HCRTR2: variants seen among roughly 807,000 people sequenced by gnomAD.
HCRTR2 encodes orexin receptor type 2.
Under a neutral mutation model 49.0 loss-of-function variants are expected in HCRTR2, and 22 were observed. The observed-to-expected ratio is 0.45, with a 90% CI of 0.32 to 0.64. The LOEUF (loss-of-function observed/expected upper bound fraction) is 0.64. HCRTR2 is among the 30% of genes least tolerant of loss of function. The probability of loss-of-function intolerance (pLI) is 0.04; values close to 1 mark genes in which losing one functional copy is unlikely to be tolerated. For missense variants in HCRTR2, 491 were observed against 559.4 expected (o/e 0.88, Z 1.23); for synonymous variants, 236 against 205.3 (o/e 1.15, Z -1.28).
At chr6:55,149,739 A>G (rs1764639225) in intron 1 of HCRTR2, among the ~76,000 whole-genome samples, 1 of 152,040 alleles carries the variant, frequency 6.6e-6, no homozygotes, top group Non-Finnish European at 1.5e-5. Context: ...GGGGGTATTC[A>G]CTCATATTTA....
intron 1 of HCRTR2, among the ~76,000 whole-genome samples, chr6:55,118,087 T>A (rs879677250): frequency 6.6e-6 from 1 of 151,880 alleles, no homozygotes; most frequent in Non-Finnish European, 1.5e-5. Context: ...AGTGTGTGTG[T>A]TCCCCAATAT....
intron 1 of HCRTR2, among the ~76,000 whole-genome samples, chr6:55,112,739 C>A (rs1001643529): frequency 6.6e-6 from 1 of 151,844 alleles, no homozygotes; most frequent in Admixed American, 6.6e-5. Context: ...AAGTTCAATG[C>A]AATTCCCATC....
intron 1 of HCRTR2, among the ~76,000 whole-genome samples, chr6:55,177,244 G>C (rs1765057292): frequency 6.6e-6 from 1 of 152,158 alleles, no homozygotes; most frequent in Non-Finnish European, 1.5e-5. Flanking sequence ...GAAACTGACA[G>C]CTATTTTCCT....
intron 1 of HCRTR2, among the ~76,000 whole-genome samples, chr6:55,107,622 A>C (rs1193509577): frequency 1.3e-5 from 2 of 152,128 alleles, no homozygotes; most frequent in Non-Finnish European, 2.9e-5. Context: ...AAAAATGTAT[A>C]TATTAGTATT....
intron 6 of HCRTR2, 43 bp downstream of exon 6, chr6:55,280,487 A>AG: frequency 6.2e-7 from 1 of 1,608,620 alleles, no homozygotes; most frequent in Non-Finnish European, 8.5e-7. Flanking sequence ...ATTGTAACCA[A>AG]GGATGAGGAA....
In HCRTR2 at chr6:55,263,808, C is replaced by A; in HGVS notation, c.748C>A (p.Leu250Ile). The A allele has an allele frequency of 6.2e-7, 1 of 1,602,886 alleles. No individual in the cohort carries two copies. The highest frequency in any genetic ancestry group is 8.5e-7 in the Non-Finnish European group (1 of 1,170,272). The stretch of plus-strand genomic sequence containing the variant: ...GGCTTATCTGCAAATATTTCGCAAA[C>A]TCTGGTGTCGACAGGTATATAGTTT... ...VLAYLQIFRK[L>I]WCRQIPGTSS... Residue 250 changes from leucine (L) to isoleucine (I), a missense_variant, in exon 4 of 7, where the codon CTC (leucine) becomes ATC (isoleucine). By Grantham distance (5) the Leu-to-Ile change is conservative (BLOSUM62 2). Transcript: ENST00000370862.
At position 55,277,391 on chromosome 6, in the gene HCRTR2, A is replaced by G. The variant is rs760111377; in HGVS notation, c.774A>G (p.Thr258=). ...RKLWCRQIPG[T]SSVVQRKWKP... ...TCTTCTCCTTTCAGATCCCTGGAAC[A>G]TCATCTGTAGTTCAGAGAAAATGGA... Residue 258 remains threonine, a synonymous_variant, in exon 5 of 7, where the codon ACA becomes ACG. Coordinates refer to ENST00000370862, the MANE Select transcript of HCRTR2 (RefSeq NM_001384272.1). 3 of 1,613,426 alleles carry G rather than the reference A, an allele frequency of 1.9e-6. No individual in the cohort carries two copies. Among genetic ancestry groups the G allele is most frequent in the East Asian group, 4.5e-5 (2 of 44,854 alleles).
At chr6:55,263,885 C>A (rs1303038852) in intron 4 of HCRTR2, 63 bp downstream of exon 4, 4 of 1,010,748 alleles carry the variant, frequency 4.0e-6, no homozygotes, top group South Asian at 1.3e-5. Flanking sequence ...ATTTGTTATT[C>A]CTTCCAAATA....
chr6:55,260,934 T>G (rs758987390), intron 3 of HCRTR2, among the ~76,000 whole-genome samples: 2 of 152,046 alleles, frequency 1.3e-5, no homozygotes, highest in Non-Finnish European at 2.9e-5. Flanking sequence ...TATGAAGTAA[T>G]GAAAAGAATA....
At chr6:55,196,263 C>T (rs983689485) in intron 1 of HCRTR2, among the ~76,000 whole-genome samples, 1 of 152,138 alleles carries the variant, frequency 6.6e-6, no homozygotes, top group African/African-American at 2.4e-5. Context: ...AGTACCCCAG[C>T]AGATGGGACC....
At chr6:55,217,790 T>A (rs766286484) in intron 1 of HCRTR2, among the ~76,000 whole-genome samples, 2 of 152,058 alleles carry the variant, frequency 1.3e-5, no homozygotes, top group African/African-American at 4.8e-5. Flanking sequence ...CAATATAAGA[T>A]TTTTTTTGCC....
Position 55,197,519 on chromosome 6 carries a change from C to T in HCRTR2, c.223+22709C>T, listed in dbSNP as rs9475196. Among the ~76,000 whole-genome samples the T allele has an allele frequency of 9.0e-3, 1,370 of 152,234 alleles. 24 individuals carry two copies. Among genetic ancestry groups the T allele is most frequent in the African/African-American group, 0.031 (1,304 of 41,534 alleles). The stretch of plus-strand genomic sequence containing the variant: ...ATTATCATCAAACCTATGTCTAACA[C>T]GACCTCTAACCCAAAACCAAAACTA... On this transcript the variant is annotated intron_variant, in intron 1 of 6. Transcript: ENST00000370862.
chr6:55,172,465 A>G (rs1339945021), upstream of HCRTR2, among the ~76,000 whole-genome samples: 1 of 152,122 alleles, frequency 6.6e-6, no homozygotes, highest in Non-Finnish European at 1.5e-5. Context: ...AGAGTGGAAA[A>G]ATAACCCTCA....
intron 1 of HCRTR2, among the ~76,000 whole-genome samples, chr6:55,107,995 A>G (rs924304575): frequency 3.9e-5 from 6 of 152,214 alleles, no homozygotes; most frequent in Non-Finnish European, 8.8e-5. Flanking sequence ...GGTTGAAAAT[A>G]TAATAGCACT....
At chr6:55,116,445 G>A (rs1234602966) in intron 1 of HCRTR2, among the ~76,000 whole-genome samples, 1 of 150,760 alleles carries the variant, frequency 6.6e-6, no homozygotes, top group Non-Finnish European at 1.5e-5. Flanking sequence ...ACTTCTAGGG[G>A]GAGATAGAAA....
chr6:55,156,890 T>TA (rs1764738762), intron 1 of HCRTR2, among the ~76,000 whole-genome samples: 2 of 152,090 alleles, frequency 1.3e-5, no homozygotes, highest in African/African-American at 2.4e-5. Context: ...CTTCCTCAAC[T>TA]TTACAAAGAA....
At chr6:55,248,868 T>C (rs1331777046) in intron 2 of HCRTR2, 51 bp downstream of exon 2, 4 of 1,447,278 alleles carry the variant, frequency 2.8e-6, no homozygotes, top group Non-Finnish European at 2.9e-6. Flanking sequence ...TGTTCAGCCA[T>C]AGCGATGGCC....
At chr6:55,245,387 G>A (rs201197525) in intron 1 of HCRTR2, among the ~76,000 whole-genome samples, 57 of 111,308 alleles carry the variant, frequency 5.1e-4, no homozygotes, top group Middle Eastern at 4.6e-3. Context: ...ATATATATAT[G>A]TATATATATA....
intron 1 of HCRTR2, among the ~76,000 whole-genome samples, chr6:55,123,282 T>A (rs1199131408): frequency 2.0e-5 from 3 of 152,080 alleles, no homozygotes; most frequent in Non-Finnish European, 4.4e-5. Flanking sequence ...AATAGCTCTT[T>A]TTTTTGAGAC....
Sources: gnomAD v4.1 joint callset for allele counts (sites outside exome capture counted in the v4.1 genomes callset) on GRCh38, gnomAD v4.1.1 for gene constraint, MANE v1.5 for transcripts, NCBI Gene and HGNC (gene_info 2026-07-23, HGNC 2026-07-21) for gene names.